Variants in RTCA observed in about 807,000 individuals in gnomAD.
RTCA encodes the protein RNA terminal phosphate cyclase domain 1.
A neutral mutation model predicts 46.1 loss-of-function variants in RTCA; 37 were observed. That is an observed-to-expected ratio of 0.80 (90% CI 0.62 to 1.06). The LOEUF is 1.06. Among genes scored for constraint, RTCA ranks in the 50% least tolerant of loss-of-function variants. The probability of loss-of-function intolerance (pLI) is 0.00; values close to 1 mark genes in which losing one functional copy is unlikely to be tolerated. For missense variants in RTCA, 435 were observed against 455.5 expected (o/e 0.95, Z 0.41); for synonymous variants, 164 against 158.3 (o/e 1.04, Z -0.27).
intron 4 of RTCA, 63 bp downstream of exon 4, chr1:100,270,743 C>T (rs911390585): frequency 1.3e-6 from 2 of 1,564,600 alleles, no homozygotes; most frequent in East Asian, 2.3e-5. Flanking sequence ...TCTCCATTCT[C>T]TAAATATATC....
intron 5 of RTCA, among the ~76,000 whole-genome samples, chr1:100,273,833 CATTG>C (rs1398964657): frequency 2.0e-5 from 3 of 152,180 alleles, no homozygotes; most frequent in Admixed American, 2.0e-4. Flanking sequence ...CTAAGAAACA[CATTG>C]GGCATTCAGG....
At chr1:100,287,688 A>C (rs1395818313) in intron 10 of RTCA, among the ~76,000 whole-genome samples, 1 of 152,154 alleles carries the variant, frequency 6.6e-6, no homozygotes, top group Non-Finnish European at 1.5e-5. Flanking sequence ...ATTTGTTGAA[A>C]CTAATATTCA....
intron 8 of RTCA, among the ~76,000 whole-genome samples, chr1:100,279,685 G>A (rs912818644): frequency 2.0e-5 from 3 of 152,004 alleles, no homozygotes; most frequent in African/African-American, 4.8e-5. Flanking sequence ...AGGCTGAAGC[G>A]GGAGGATTGC....
intron 10 of RTCA, among the ~76,000 whole-genome samples, chr1:100,290,950 T>C (rs771524238): frequency 2.0e-5 from 3 of 152,106 alleles, no homozygotes; most frequent in Non-Finnish European, 4.4e-5. Flanking sequence ...TTGAACGATA[T>C]ATATAGGGAA....
chr1:100,291,242 G>A (rs1218619468), intron 10 of RTCA, among the ~76,000 whole-genome samples, 161 bp from the exon 11 acceptor site: 1 of 151,960 alleles, frequency 6.6e-6, no homozygotes, highest in Non-Finnish European at 1.5e-5. Context: ...TTATCTTGAG[G>A]CTATTAAGTT....
At chr1:100,287,693 T>G (rs1262217061) in intron 10 of RTCA, among the ~76,000 whole-genome samples, 2 of 152,174 alleles carry the variant, frequency 1.3e-5, no homozygotes, top group East Asian at 3.8e-4. Flanking sequence ...TTGAAACTAA[T>G]ATTCACTGTC....
At chr1:100,288,273 T>C (rs755104080) in intron 10 of RTCA, among the ~76,000 whole-genome samples, 2 of 152,226 alleles carry the variant, frequency 1.3e-5, no homozygotes, top group African/African-American at 2.4e-5. Flanking sequence ...TTGCAGTTAA[T>C]GCATACAACT....
At chr1:100,287,637 T>TC (rs1667096782) in intron 10 of RTCA, among the ~76,000 whole-genome samples, 1 of 152,050 alleles carries the variant, frequency 6.6e-6, no homozygotes, top group Non-Finnish European at 1.5e-5. Flanking sequence ...ATATAAAATT[T>TC]TAGACATTTT....
chr1:100,274,169 A>G lies in RTCA; in HGVS notation c.474-655A>G, dbSNP rs563633241. 1.2e-4 allele frequency among the ~76,000 whole-genome samples: 19 copies of G among 152,060 alleles called. No individual in the cohort carries two copies. In the East Asian group the frequency reaches 2.5e-3, roughly 20 times the overall value. ...TCAATCAGAATTCATATTTGCACCTATGTTGTAGCCTTTCTTATAGCCTGA... is the reference window on the plus strand; with the variant it reads ...TCAATCAGAATTCATATTTGCACCTGTGTTGTAGCCTTTCTTATAGCCTGA... On this transcript the variant is annotated intron_variant, in intron 5 of 10. Transcript: ENST00000370128.
intron 2 of RTCA, 105 bp from the exon 3 acceptor site, chr1:100,268,047 G>C: frequency 6.6e-7 from 1 of 1,518,740 alleles, no homozygotes; most frequent in Non-Finnish European, 8.9e-7. Context: ...ACTGTGGTTA[G>C]ACCTTGCTGT....
intron 8 of RTCA, among the ~76,000 whole-genome samples, chr1:100,283,255 C>T (rs950794714): frequency 1.3e-5 from 2 of 150,752 alleles, no homozygotes; most frequent in African/African-American, 2.5e-5. Flanking sequence ...ACCATAACCT[C>T]CGCCTCCCGA....
intron 9 of RTCA, among the ~76,000 whole-genome samples, chr1:100,285,779 C>T (rs1156978020): frequency 6.6e-6 from 1 of 152,150 alleles, no homozygotes; most frequent in Admixed American, 6.5e-5. Flanking sequence ...GCTGTCATGC[C>T]TACCTAATTT....
intron 9 of RTCA, among the ~76,000 whole-genome samples, chr1:100,286,811 T>A (rs1339998838): frequency 6.6e-6 from 1 of 152,146 alleles, no homozygotes; most frequent in African/African-American, 2.4e-5. Flanking sequence ...TATACCAACT[T>A]GTAGAGATAG....
chr1:100,271,052 C>T (rs1461130017), intron 4 of RTCA, among the ~76,000 whole-genome samples: 3 of 151,772 alleles, frequency 2.0e-5, no homozygotes, highest in Non-Finnish European at 4.4e-5. Context: ...ACCTCAGCCT[C>T]CCAAATGTGT....
At chr1:100,290,945 C>T (rs747539666) in intron 10 of RTCA, among the ~76,000 whole-genome samples, 2 of 151,520 alleles carry the variant, frequency 1.3e-5, no homozygotes, top group Non-Finnish European at 2.9e-5. Flanking sequence ...ATCTTTTGAA[C>T]GATATATATA....
chr1:100,281,429 C>A, intron 8 of RTCA: 1 of 420,166 alleles, frequency 2.4e-6, no homozygotes, highest in Non-Finnish European at 4.8e-6. Context: ...TGATATTGGA[C>A]CGTGATTGTG....
At chr1:100,273,695 T>C (rs756365414) in intron 5 of RTCA, among the ~76,000 whole-genome samples, 1 of 152,212 alleles carries the variant, frequency 6.6e-6, no homozygotes, top group South Asian at 2.1e-4. Flanking sequence ...CACAGTGAGG[T>C]ACCCTCATAT....
Position 100,279,382 on chromosome 1 carries a change from G to A in RTCA, c.799+2066G>A, listed in dbSNP as rs968323959. 2.6e-5 allele frequency among the ~76,000 whole-genome samples: 4 copies of A among 152,186 alleles called. No individual in the cohort carries two copies. The South Asian group carries it at 8.3e-4, about 32-fold the overall frequency. On this transcript the variant is annotated intron_variant, in intron 8 of 10. Transcript: ENST00000370128. ...CTGGGGACTGATTGACACCAAATCT[G>A]CCTTCTGCCATTTAATGGTCCTCCA...
Position 100,291,492 on chromosome 1 carries a change from T to A in RTCA, c.1089T>A (p.Asn363Lys). ...IIECQGIGMT[N>K]PNL Reference sequence around the variant, plus strand: ...AATGCCAAGGAATTGGGATGACAAATCCAAATCTATAGAGTATTTGCCTCT... The same window carrying A: ...AATGCCAAGGAATTGGGATGACAAAACCAAATCTATAGAGTATTTGCCTCT... Residue 363 changes from asparagine (N) to lysine (K), a missense_variant, in exon 11 of 11, where the codon AAT (asparagine) becomes AAA (lysine). Transcript: ENST00000370128. The A allele has an allele frequency of 6.3e-7, 1 of 1,599,838 alleles. No individual in the cohort carries two copies. Among genetic ancestry groups the A allele is most frequent in the Non-Finnish European group, 8.6e-7 (1 of 1,168,194 alleles).
Sources: gnomAD v4.1 joint callset for allele counts (sites outside exome capture counted in the v4.1 genomes callset) on GRCh38, gnomAD v4.1.1 for gene constraint, MANE v1.5 for transcripts, NCBI Gene and HGNC (gene_info 2026-07-23, HGNC 2026-07-21) for gene names.